MYO16: variants seen among roughly 807,000 people sequenced by gnomAD.
MYO16 encodes unconventional myosin-XVI.
Under a neutral mutation model 205.3 loss-of-function variants are expected in MYO16, and 94 were observed. The observed-to-expected ratio is 0.46, with a 90% CI of 0.39 to 0.54. The LOEUF (loss-of-function observed/expected upper bound fraction) is 0.54, where lower values mean the gene tolerates loss of function less well. Ranked by LOEUF, MYO16 falls within the 20% of genes least tolerant of loss-of-function variation. The pLI, the probability that MYO16 is intolerant of heterozygous loss-of-function variation, is 0.00. For missense variants in MYO16, 2,315 were observed against 2,387.5 expected, an observed-to-expected ratio of 0.97 and a Z score of 0.63; for synonymous variants, 988 against 954.0, an observed-to-expected ratio of 1.04 and a Z score of -0.66.
intron 2 of MYO16, among the ~76,000 whole-genome samples, chr13:108,670,747 T>A (rs1411553961): frequency 6.6e-6 from 1 of 152,224 alleles, no homozygotes; most frequent in Non-Finnish European, 1.5e-5. Context: ...GAGTTTCCCA[T>A]CCTGAAACTT....
At chr13:108,878,740 G>T (rs1005481330) in intron 12 of MYO16, among the ~76,000 whole-genome samples, 3 of 152,198 alleles carry the variant, frequency 2.0e-5, no homozygotes, top group African/African-American at 7.2e-5. Flanking sequence ...GCTACTATGG[G>T]GCCAAAGCCC....
chr13:108,958,587 G>A (rs751435627), intron 17 of MYO16, among the ~76,000 whole-genome samples: 5 of 152,174 alleles, frequency 3.3e-5, no homozygotes, highest in East Asian at 1.9e-4. Context: ...TTCCAGCCAC[G>A]TGTGGCTCCT....
At chr13:108,771,414 C>A (rs1160465077) in intron 4 of MYO16, among the ~76,000 whole-genome samples, 1 of 152,170 alleles carries the variant, frequency 6.6e-6, no homozygotes, top group African/African-American at 2.4e-5. Context: ...CCTGACCCCA[C>A]ACACGCAAAG....
chr13:108,879,137 C>T (rs892896695), intron 12 of MYO16, among the ~76,000 whole-genome samples: 1 of 152,212 alleles, frequency 6.6e-6, no homozygotes, highest in African/African-American at 2.4e-5. Flanking sequence ...TCCCCTGCTA[C>T]TGCCAATTTG....
intron 27 of MYO16, among the ~76,000 whole-genome samples, chr13:109,082,501 C>T (rs905452548): frequency 2.0e-5 from 3 of 152,284 alleles, no homozygotes; most frequent in Middle Eastern, 6.8e-3. Flanking sequence ...GCTTAGGTTA[C>T]AGGAAGAGTA....
At chr13:108,747,221 A>G (rs1217296140) in intron 4 of MYO16, among the ~76,000 whole-genome samples, 1 of 152,214 alleles carries the variant, frequency 6.6e-6, no homozygotes, top group African/African-American at 2.4e-5. Flanking sequence ...GACTACATGA[A>G]GAATAGAGAA....
At chr13:108,563,592 C>T in the MYO16 span, among the ~76,000 whole-genome samples, 897 of 152,190 alleles carry the variant, frequency 5.9e-3, 6 homozygotes, top group Middle Eastern at 0.017. Flanking sequence ...ACATTTGATG[C>T]TTGTCTGTCT....
chr13:108,704,950 CAA>C (rs1555340175), intron 2 of MYO16, among the ~76,000 whole-genome samples: 1 of 130,552 alleles, frequency 7.7e-6, no homozygotes, highest in Non-Finnish European at 1.7e-5. Flanking sequence ...AAAAAAAAAA[CAA>C]AAAAAAACCT....
chr13:108,663,037 T>G (rs1418392605), intron 1 of MYO16, among the ~76,000 whole-genome samples: 1 of 151,798 alleles, frequency 6.6e-6, no homozygotes, highest in Non-Finnish European at 1.5e-5. Context: ...CCAGTGGGGG[T>G]GTGTGTCTGG....
chr13:109,149,361 C>T (rs935539961), intron 32 of MYO16, among the ~76,000 whole-genome samples: 4 of 152,084 alleles, frequency 2.6e-5, no homozygotes, highest in Admixed American at 1.3e-4. Context: ...CTCAGTGAGG[C>T]GGGTAAAGCA....
At chr13:109,085,403 G>A (rs904779988) in intron 27 of MYO16, among the ~76,000 whole-genome samples, 1 of 152,178 alleles carries the variant, frequency 6.6e-6, no homozygotes, top group Admixed American at 6.5e-5. Flanking sequence ...ACAAGTTGAT[G>A]AACCAGTCTT....
intron 20 of MYO16, among the ~76,000 whole-genome samples, chr13:108,990,147 TAC>T (rs56975148): frequency 0.068 from 10,077 of 148,392 alleles, 704 homozygotes; most frequent in African/African-American, 0.18. Flanking sequence ...ACACAGACAA[TAC>T]ACACACACAC....
At chr13:108,643,694 TTCACTAG>T (rs1450568578) in intron 1 of MYO16, among the ~76,000 whole-genome samples, 1 of 152,240 alleles carries the variant, frequency 6.6e-6, no homozygotes, top group Non-Finnish European at 1.5e-5. Context: ...GTGCACCCCA[TTCACTAG>T]TTTGTGGGCA....
chr13:108,795,434 T>C (rs919191850), intron 6 of MYO16, among the ~76,000 whole-genome samples: 6 of 152,136 alleles, frequency 3.9e-5, no homozygotes, highest in Non-Finnish European at 1.5e-5. Flanking sequence ...GGTCTCGATC[T>C]TCTGACCTCG....
the MYO16 span, among the ~76,000 whole-genome samples, chr13:108,517,166 G>A: frequency 6.6e-6 from 1 of 152,134 alleles, no homozygotes; most frequent in Non-Finnish European, 1.5e-5. Flanking sequence ...CTGGCTTCAA[G>A]TGATTCTCTC....
the MYO16 span, among the ~76,000 whole-genome samples, chr13:108,553,810 TCTCAGCTCCCAC>T: frequency 6.6e-6 from 1 of 152,144 alleles, no homozygotes; most frequent in East Asian, 1.9e-4. Flanking sequence ...AGCACAGCCT[TCTCAGCTCCCAC>T]CTGGGGTCAG....
the MYO16 span, among the ~76,000 whole-genome samples, chr13:108,519,626 TACACAC>T: frequency 9.2e-6 from 1 of 108,436 alleles, no homozygotes; most frequent in Non-Finnish European, 1.7e-5. Flanking sequence ...ATATGCAAAA[TACACAC>T]ACACACACAC....
intron 10 of MYO16, among the ~76,000 whole-genome samples, chr13:108,851,481 A>G (rs1054412687): frequency 2.0e-5 from 3 of 152,202 alleles, no homozygotes; most frequent in Non-Finnish European, 4.4e-5. Context: ...TAGAAAATAC[A>G]TTCTTACCTA....
At chr13:108,763,588 G>A (rs1161240787) in intron 4 of MYO16, among the ~76,000 whole-genome samples, 5 of 152,148 alleles carry the variant, frequency 3.3e-5, no homozygotes, top group Non-Finnish European at 2.9e-5. Context: ...AAGATGGAGG[G>A]CGAGTTTAAG....
Sources: gnomAD v4.1 joint callset for allele counts (sites outside exome capture counted in the v4.1 genomes callset) on GRCh38, gnomAD v4.1.1 for gene constraint, MANE v1.5 for transcripts, NCBI Gene and HGNC (gene_info 2026-07-23, HGNC 2026-07-21) for gene names.